The following PRKCE variants were observed in gnomAD, a reference collection of about 807,000 sequenced individuals.
PRKCE encodes protein kinase C epsilon type.
A neutral mutation model predicts 85.4 loss-of-function variants in PRKCE; 16 were observed. The observed-to-expected ratio is 0.19, with a 90% CI of 0.13 to 0.28. PRKCE has a LOEUF of 0.28. Ranked by LOEUF, PRKCE falls within the 10% of genes least tolerant of loss-of-function variation. The probability of loss-of-function intolerance (pLI) is 1.00; values close to 1 mark genes in which losing one functional copy is unlikely to be tolerated. For synonymous variants in PRKCE, 388 were observed against 371.5 expected (o/e 1.04, Z -0.51); for missense variants, 573 against 975.2 (o/e 0.59, Z 5.49).
intron 2 of PRKCE, among the ~76,000 whole-genome samples, chr2:45,931,592 A>C (rs535298355): frequency 6.6e-6 from 1 of 152,146 alleles, no homozygotes; most frequent in South Asian, 2.1e-4. Flanking sequence ...TGGTGTTCCA[A>C]ATGTTCTATA....
intron 10 of PRKCE, among the ~76,000 whole-genome samples, chr2:46,020,209 G>A (rs1706530985): frequency 6.6e-6 from 1 of 152,038 alleles, no homozygotes; most frequent in African/African-American, 2.4e-5. Context: ...AGTGTATGGT[G>A]GGTGGGAGCT....
At chr2:46,028,898 A>G (rs1280765246) in intron 10 of PRKCE, among the ~76,000 whole-genome samples, 1 of 152,192 alleles carries the variant, frequency 6.6e-6, no homozygotes, top group African/African-American at 2.4e-5. Flanking sequence ...CTTACAAGTG[A>G]GAACATGTGG....
At chr2:46,045,967 T>C (rs746166427) in intron 10 of PRKCE, among the ~76,000 whole-genome samples, 31 of 152,164 alleles carry the variant, frequency 2.0e-4, no homozygotes, top group Admixed American at 1.5e-3. Context: ...TAGAGGGAAC[T>C]GAGTCAGCAG....
chr2:46,002,144 G>A (rs1704738259), intron 7 of PRKCE, among the ~76,000 whole-genome samples: 1 of 152,166 alleles, frequency 6.6e-6, no homozygotes, highest in Non-Finnish European at 1.5e-5. Context: ...ATGTTATTTT[G>A]GTAAGTCAGG....
chr2:45,818,022 G>A (rs954533252), intron 1 of PRKCE, among the ~76,000 whole-genome samples: 3 of 152,140 alleles, frequency 2.0e-5, no homozygotes, highest in Non-Finnish European at 2.9e-5. Flanking sequence ...AAATCACTTC[G>A]ATCCTTAGAG....
chr2:45,825,596 G>A (rs1374347243), intron 1 of PRKCE, among the ~76,000 whole-genome samples: 1 of 152,176 alleles, frequency 6.6e-6, no homozygotes, highest in African/African-American at 2.4e-5. Context: ...AAAAACTACA[G>A]TATGCAGCTG....
intron 2 of PRKCE, among the ~76,000 whole-genome samples, chr2:45,901,202 T>C (rs1169196299): frequency 6.6e-6 from 1 of 152,214 alleles, no homozygotes; most frequent in African/African-American, 2.4e-5. Context: ...TGCTACAAAA[T>C]CCAGAACTTA....
chr2:45,694,470 C>T (rs1203907847), intron 1 of PRKCE, among the ~76,000 whole-genome samples: 1 of 152,188 alleles, frequency 6.6e-6, no homozygotes, highest in East Asian at 1.9e-4. Context: ...AGGCCTTCCC[C>T]ATCTAAGTGC....
In PRKCE at chr2:45,657,941, G is replaced by A. The variant is rs914373598; in HGVS notation, c.348+5493G>A. Among the ~76,000 whole-genome samples, 3 of 152,210 alleles carry A rather than the reference G, an allele frequency of 2.0e-5. No individual in the cohort carries two copies. In the East Asian group the frequency reaches 5.8e-4, roughly 29 times the overall value. ...ATGCCCCGAATGGAGCCTGAGTTAAGCAGGACCCCTGCTGCATCTCCTACA... is the reference window on the plus strand; with the variant it reads ...ATGCCCCGAATGGAGCCTGAGTTAAACAGGACCCCTGCTGCATCTCCTACA... On this transcript the variant is annotated intron_variant, in intron 1 of 14. Transcript: ENST00000306156.
At chr2:45,660,298 A>G (rs1675579536) in intron 1 of PRKCE, among the ~76,000 whole-genome samples, 1 of 152,208 alleles carries the variant, frequency 6.6e-6, no homozygotes, top group East Asian at 1.9e-4. Context: ...TTTATTTTAT[A>G]AAAATCTATG....
chr2:45,653,613 T>C (rs1675248229), intron 1 of PRKCE, among the ~76,000 whole-genome samples: 1 of 152,090 alleles, frequency 6.6e-6, no homozygotes, highest in Admixed American at 6.6e-5. Context: ...GTCCTAGAGG[T>C]CAGAGGTTGC....
At chr2:45,701,251 A>G (rs1453869060) in intron 1 of PRKCE, 1 of 152,146 alleles carries the variant, frequency 6.6e-6, no homozygotes, top group African/African-American at 2.4e-5. Flanking sequence ...TTATTTTTCT[A>G]TGTGTGTGAT....
At chr2:45,934,299 G>A (rs140004132) in intron 2 of PRKCE, among the ~76,000 whole-genome samples, 1 of 152,216 alleles carries the variant, frequency 6.6e-6, no homozygotes, top group African/African-American at 2.4e-5. Context: ...GTGAAAAAAA[G>A]TTTCTATTAA....
chr2:45,691,237 A>C (rs550326791), intron 1 of PRKCE, among the ~76,000 whole-genome samples: 1 of 152,292 alleles, frequency 6.6e-6, no homozygotes, highest in South Asian at 2.1e-4. Flanking sequence ...TTTCCGTGGC[A>C]GGAATAGTCA....
chr2:46,104,296 C>CTTTTTTTTTTTTTT (rs59018550), intron 11 of PRKCE, among the ~76,000 whole-genome samples: 7 of 118,514 alleles, frequency 5.9e-5, no homozygotes, highest in African/African-American at 1.3e-4. Context: ...TCACCTTGTA[C>CTTTTTTTTTTTTTT]TTTTTTTTTT....
intron 2 of PRKCE, among the ~76,000 whole-genome samples, chr2:45,881,702 G>T (rs764344622): frequency 6.6e-6 from 1 of 152,188 alleles, no homozygotes; most frequent in Non-Finnish European, 1.5e-5. Context: ...GACCCAGCAC[G>T]ATGGAATGAC....
intron 10 of PRKCE, among the ~76,000 whole-genome samples, chr2:46,028,626 TAG>T (rs1338414161): frequency 6.6e-6 from 1 of 152,242 alleles, no homozygotes; most frequent in African/African-American, 2.4e-5. Context: ...CTAACATTTA[TAG>T]AGTGTTTTCT....
chr2:45,927,267 A>G (rs747210706), intron 2 of PRKCE, among the ~76,000 whole-genome samples: 40 of 152,324 alleles, frequency 2.6e-4, no homozygotes, highest in Non-Finnish European at 5.1e-4. Context: ...GTGAATTAAC[A>G]AATGTAGTTG....
At chr2:45,816,593 G>T (rs1277822701) in intron 1 of PRKCE, among the ~76,000 whole-genome samples, 1 of 152,122 alleles carries the variant, frequency 6.6e-6, no homozygotes. Flanking sequence ...TCTTTCCTTA[G>T]CCTTAGATTC....
Sources: gnomAD v4.1 joint callset for allele counts (sites outside exome capture counted in the v4.1 genomes callset) on GRCh38, gnomAD v4.1.1 for gene constraint, MANE v1.5 for transcripts, NCBI Gene and HGNC (gene_info 2026-07-23, HGNC 2026-07-21) for gene names.